The following SEC24C variants were observed in gnomAD, a reference collection of about 807,000 sequenced individuals.
The protein encoded by SEC24C is protein transport protein Sec24C.
Under a neutral mutation model 117.0 loss-of-function variants are expected in SEC24C, and 22 were observed. The observed-to-expected ratio is 0.19, with a 90% CI of 0.13 to 0.27. The LOEUF (loss-of-function observed/expected upper bound fraction) is 0.27. SEC24C is among the 10% of genes least tolerant of loss of function. The pLI is 1.00. For missense variants in SEC24C, 1,155 were observed against 1,375.1 expected (o/e 0.84, Z 2.53); for synonymous variants, 506 against 529.4 (o/e 0.96, Z 0.61).
chr10:73,748,832 T>C (rs2082601264), intron 2 of SEC24C, among the ~76,000 whole-genome samples: 1 of 152,126 alleles, frequency 6.6e-6, no homozygotes, highest in Non-Finnish European at 1.5e-5. Flanking sequence ...AACCTCTGCC[T>C]CCCAGGTTCA....
rs747788825 is a variant in SEC24C at position 73,770,323 on chromosome 10, G to A, written c.2906G>A (p.Arg969Gln). 1.9e-6 allele frequency: 3 copies of A among 1,613,606 alleles called. No individual in the cohort carries two copies. The highest frequency in any genetic ancestry group is 2.2e-5 in the East Asian group (1 of 44,882). ...VESTTEPPAV[R>Q]ASEERLSNGD... ...AGTACTACCGAACCACCAGCAGTTC[G>A]AGCCTCTGAAGAGCGTCTAAGCAAT... The change falls in exon 21 of 23, where the codon CGA becomes CAA. Residue 969 changes from arginine to glutamine, a missense_variant. This residue lies in a region of SEC24C where 759 missense variants were observed against 992.3 expected (regional missense o/e 0.76). Transcript: ENST00000345254.
At chr10:73,766,292 T>C (rs2082882568) in intron 11 of SEC24C, 58 bp from the exon 12 acceptor site, 26 of 1,582,108 alleles carry the variant, frequency 1.6e-5, no homozygotes, top group Non-Finnish European at 2.0e-5. Context: ...CTTGGTGTCA[T>C]GAAGTTGTGG....
intron 3 of SEC24C, among the ~76,000 whole-genome samples, chr10:73,757,011 AGTGAATCTC>A (rs958771576): frequency 1.5e-4 from 21 of 143,536 alleles, no homozygotes; most frequent in African/African-American, 4.7e-4. Context: ...CCCAGGTTCA[AGTGAATCTC>A]CTGTCTGAAC....
At chr10:73,767,538 C>G (rs867762515) in intron 14 of SEC24C, among the ~76,000 whole-genome samples, 30 of 151,982 alleles carry the variant, frequency 2.0e-4, no homozygotes, top group Admixed American at 9.8e-4. Flanking sequence ...TGTGGTGGCA[C>G]ACACCTGTAA....
intron 3 of SEC24C, among the ~76,000 whole-genome samples, chr10:73,755,596 G>A (rs922375501): frequency 6.6e-5 from 10 of 151,802 alleles, no homozygotes; most frequent in Non-Finnish European, 1.5e-4. Flanking sequence ...AGAATGGCGT[G>A]AACCCAGGAG....
At chr10:73,763,782 GTGGATCACCAA>G in intron 7 of SEC24C, 63 bp from the exon 8 acceptor site, 1 of 1,489,286 alleles carries the variant, frequency 6.7e-7, no homozygotes, top group Non-Finnish European at 9.1e-7. Flanking sequence ...AGTTGATGGT[GTGGATCACCAA>G]TGGAGAGCTG....
chr10:73,748,381 C>T (rs1324860624), intron 2 of SEC24C, among the ~76,000 whole-genome samples: 1 of 151,728 alleles, frequency 6.6e-6, no homozygotes, highest in Non-Finnish European at 1.5e-5. Context: ...ATGATTCACC[C>T]ATCTCGGCTT....
At chr10:73,744,991 GACCT>G (rs71846226) in intron 1 of SEC24C, among the ~76,000 whole-genome samples, 95,996 of 151,430 alleles carry the variant, frequency 0.63, 31,603 homozygotes, top group Middle Eastern at 0.82. Context: ...TAGTGTCAGT[GACCT>G]ACCTCTGTAA....
At chr10:73,759,835 C>A in intron 4 of SEC24C, 41 bp downstream of exon 4, 1 of 1,515,160 alleles carries the variant, frequency 6.6e-7, no homozygotes, top group South Asian at 1.3e-5. Context: ...GTCCCCTGTT[C>A]AGAGGCATCA....
chr10:73,757,764 T>G (rs2082732352), intron 3 of SEC24C, among the ~76,000 whole-genome samples: 1 of 149,934 alleles, frequency 6.7e-6, no homozygotes, highest in African/African-American at 2.5e-5. Context: ...TAAAAAAAAT[T>G]AGCTAGGTGT....
intron 1 of SEC24C, 26 bp from the exon 2 acceptor site, chr10:73,746,779 T>C: frequency 6.6e-7 from 1 of 1,511,202 alleles, no homozygotes; most frequent in South Asian, 1.3e-5. Flanking sequence ...AAGTTCATTT[T>C]GACTAATTTC....
At chr10:73,757,770 GGT>G (rs1480628792) in intron 3 of SEC24C, among the ~76,000 whole-genome samples, 2 of 150,870 alleles carry the variant, frequency 1.3e-5, no homozygotes, top group Non-Finnish European at 3.0e-5. Context: ...AAATTAGCTA[GGT>G]GTGGTGGTGT....
intron 20 of SEC24C, 63 bp downstream of exon 20, chr10:73,770,078 AG>A (rs2082950322): frequency 1.4e-6 from 2 of 1,478,122 alleles, no homozygotes; most frequent in Non-Finnish European, 1.9e-6. Flanking sequence ...GGAGGAGGAA[AG>A]GATAGGCTAG....
chr10:73,769,594 T>C lies in SEC24C; in HGVS notation c.2564-21T>C, dbSNP rs1168219728. 2 of 1,613,398 alleles carry C rather than the reference T, an allele frequency of 1.2e-6. No individual in the cohort carries two copies. Among genetic ancestry groups the C allele is most frequent in the South Asian group, 1.1e-5 (1 of 91,054 alleles). ...ACATGATGGGCAGCTGACCAGTGACTATCTTTGCTTTCCCATCCAGCATAT... is the reference window on the plus strand; with the variant it reads ...ACATGATGGGCAGCTGACCAGTGACCATCTTTGCTTTCCCATCCAGCATAT... On this transcript the variant is annotated intron_variant, in intron 18 of 22. Coordinates refer to ENST00000345254, the MANE Select transcript of SEC24C (RefSeq NM_198597.3). This position sits in a 1 kb window ranked among gnomAD's most constrained non-coding sequence, Gnocchi z 4.5.
intron 7 of SEC24C, 65 bp downstream of exon 7, chr10:73,763,666 G>GTTTT (rs1565044336): frequency 7.1e-4 from 150 of 212,730 alleles, no homozygotes; most frequent in Non-Finnish European, 8.6e-4. Flanking sequence ...TATGGTTGGG[G>GTTTT]CTTTTTTTTT....
At position 73,766,152 on chromosome 10, in the gene SEC24C, A is replaced by T; in HGVS notation, c.1549A>T (p.Thr517Ser). 1 of 1,613,650 alleles carries T rather than the reference A, an allele frequency of 6.2e-7. No individual in the cohort carries two copies. The highest frequency in any genetic ancestry group is 8.5e-7 in the Non-Finnish European group (1 of 1,179,804). The change falls in exon 11 of 23, where the codon ACT (threonine) becomes TCT (serine). Residue 517 changes from threonine to serine, a missense_variant. This residue lies in a region of SEC24C where 759 missense variants were observed against 992.3 expected (regional missense o/e 0.76). Transcript: ENST00000345254. ...MIDVSYNAIRTGLVRLLCEEL... is the reference protein window; with the variant it reads ...MIDVSYNAIRSGLVRLLCEEL... Reference sequence around the variant, plus strand: ...TGACGTCTCCTACAATGCCATCAGGACTGGTCTTGTTAGGCTCCTCTGTGA... The same window carrying T: ...TGACGTCTCCTACAATGCCATCAGGTCTGGTCTTGTTAGGCTCCTCTGTGA...
chr10:73,749,607 G>A (rs984589268), intron 2 of SEC24C, among the ~76,000 whole-genome samples: 1 of 150,108 alleles, frequency 6.7e-6, no homozygotes, highest in African/African-American at 2.5e-5. Context: ...GCAGTGGCAC[G>A]ATCTTGGCTC....
Position 73,771,083 on chromosome 10 carries a change from G to A in SEC24C, c.3273G>A (p.Gln1091=). ...GTCATATGCACAAGGAGATTCGGCAGCTACTGAGCTAAAGCAAGTGGGTAA... is the reference window on the plus strand; with the variant it reads ...GTCATATGCACAAGGAGATTCGGCAACTACTGAGCTAAAGCAAGTGGGTAA... ...FLCHMHKEIR[Q]LLS The change falls in exon 23 of 23, where the codon CAG becomes CAA. Residue 1091 remains glutamine, a synonymous_variant. Transcript: ENST00000345254. The A allele has an allele frequency of 6.2e-7, 1 of 1,614,022 alleles. No individual in the cohort carries two copies. The highest frequency in any genetic ancestry group is 8.5e-7 in the Non-Finnish European group (1 of 1,179,988).
intron 13 of SEC24C, 29 bp downstream of exon 13, chr10:73,766,882 C>T (rs2082892465): frequency 6.3e-7 from 1 of 1,587,966 alleles, no homozygotes; most frequent in Non-Finnish European, 8.6e-7. Context: ...GCAACCTCCT[C>T]TAACTCCATT....
Sources: allele counts gnomAD v4.1 joint callset (sites outside exome capture counted in the v4.1 genomes callset), GRCh38; gene constraint gnomAD v4.1.1; regional missense constraint gnomAD v4.1.1; non-coding constraint Gnocchi (gnomAD v3.1); transcripts MANE v1.5; gene names NCBI Gene and HGNC (gene_info 2026-07-23, HGNC 2026-07-21).